Variants in FMNL2 observed in about 807,000 individuals in gnomAD.
The protein encoded by FMNL2 is formin-like protein 2.
In FMNL2, 51 loss-of-function variants were observed where a neutral mutation model predicts 130.2. The observed-to-expected ratio is 0.39, with a 90% CI of 0.31 to 0.49. The LOEUF (loss-of-function observed/expected upper bound fraction) is 0.49, where lower values mean the gene tolerates loss of function less well. Among genes scored for constraint, FMNL2 ranks in the 20% least tolerant of loss-of-function variants. FMNL2 has a pLI of 0.85. For synonymous variants in FMNL2, 465 were observed against 467.1 expected, an observed-to-expected ratio of 1.00 and a Z score of 0.06; for missense variants, 977 against 1,316.2, an observed-to-expected ratio of 0.74 and a Z score of 3.99.
intron 1 of FMNL2, among the ~76,000 whole-genome samples, chr2:152,355,242 A>G (rs1025384516): frequency 1.3e-5 from 2 of 152,250 alleles, no homozygotes; most frequent in East Asian, 1.9e-4. Context: ...GAGGAGAATT[A>G]TAAATGAAAC....
chr2:152,578,175 T>G (rs59103281), intron 7 of FMNL2, among the ~76,000 whole-genome samples: 28,053 of 151,968 alleles, frequency 0.18, 3,421 homozygotes, highest in African/African-American at 0.34. Context: ...ATTGATGTGG[T>G]ATAGGAACTT....
intron 1 of FMNL2, among the ~76,000 whole-genome samples, chr2:152,402,237 G>A (rs907035826): frequency 6.6e-6 from 1 of 152,096 alleles, no homozygotes; most frequent in African/African-American, 2.4e-5. Context: ...AATGCTAAGC[G>A]TTGTTCTCAT....
intron 1 of FMNL2, among the ~76,000 whole-genome samples, chr2:152,393,634 C>T (rs1685234711): frequency 1.3e-5 from 2 of 152,150 alleles, no homozygotes; most frequent in Admixed American, 6.5e-5. Flanking sequence ...TGAAAGTGAA[C>T]ATTTTCTATT....
At chr2:152,549,973 TAATTTTGATGTATATATATTGCA>T in intron 4 of FMNL2, among the ~76,000 whole-genome samples, 1 of 152,228 alleles carries the variant, frequency 6.6e-6, no homozygotes, top group Non-Finnish European at 1.5e-5. Flanking sequence ...TATTGGAAAT[TAATTTTGATGTATATATATTGCA>T]CTTTAGTTTT....
intron 25 of FMNL2, chr2:152,645,553 C>T: frequency 8.0e-7 from 1 of 1,244,934 alleles, no homozygotes; most frequent in Non-Finnish European, 1.1e-6. Flanking sequence ...TACTTAGCTT[C>T]CTCCTCTCTC....
At chr2:152,580,118 C>T (rs1696700963) in intron 8 of FMNL2, among the ~76,000 whole-genome samples, 1 of 152,182 alleles carries the variant, frequency 6.6e-6, no homozygotes, top group African/African-American at 2.4e-5. Flanking sequence ...TGTGTCTCTG[C>T]CTTCTACTAC....
At chr2:152,402,902 G>T (rs527476077) in intron 1 of FMNL2, among the ~76,000 whole-genome samples, 6 of 152,182 alleles carry the variant, frequency 3.9e-5, no homozygotes, top group African/African-American at 1.4e-4. Flanking sequence ...TTCGGTCCGG[G>T]GATCCCATCC....
intron 1 of FMNL2, among the ~76,000 whole-genome samples, chr2:152,372,697 C>T (rs12987825): frequency 0.33 from 49,633 of 151,954 alleles, 8,788 homozygotes; most frequent in East Asian, 0.74. Context: ...TCCCTTTGGG[C>T]GGCCTGAACA....
chr2:152,508,839 C>T (rs1483471380), intron 1 of FMNL2, among the ~76,000 whole-genome samples: 1 of 152,188 alleles, frequency 6.6e-6, no homozygotes, highest in Non-Finnish European at 1.5e-5. Flanking sequence ...TGCATCCTGC[C>T]ACCCCCCGCC....
chr2:152,390,930 A>G (rs1205057402), intron 1 of FMNL2, among the ~76,000 whole-genome samples: 2 of 152,252 alleles, frequency 1.3e-5, no homozygotes, highest in Non-Finnish European at 1.5e-5. Flanking sequence ...CTGTTAAGGT[A>G]TGAAAATAAA....
intron 1 of FMNL2, among the ~76,000 whole-genome samples, chr2:152,424,943 A>G (rs1687122433): frequency 6.6e-6 from 1 of 152,206 alleles, no homozygotes; most frequent in African/African-American, 2.4e-5. Context: ...TGATCAAGTG[A>G]TGGCATTGAT....
At chr2:152,407,561 G>A (rs185440808) in intron 1 of FMNL2, among the ~76,000 whole-genome samples, 26 of 151,048 alleles carry the variant, frequency 1.7e-4, no homozygotes, top group East Asian at 1.6e-3. Flanking sequence ...AGAGTGGCTC[G>A]TGCATTAAAC....
At chr2:152,533,873 G>T (rs1693843303) in intron 2 of FMNL2, among the ~76,000 whole-genome samples, 1 of 151,948 alleles carries the variant, frequency 6.6e-6, no homozygotes, top group African/African-American at 2.4e-5. Context: ...CTATTTTAAG[G>T]GATATATTTT....
intron 1 of FMNL2, among the ~76,000 whole-genome samples, chr2:152,419,834 A>G (rs1042836367): frequency 2.0e-5 from 3 of 152,058 alleles, no homozygotes; most frequent in Non-Finnish European, 2.9e-5. Flanking sequence ...CAGGGAATAC[A>G]CTTGCTGGAA....
At chr2:152,642,237 GC>G (rs1156793017) in intron 25 of FMNL2, among the ~76,000 whole-genome samples, 5 of 152,192 alleles carry the variant, frequency 3.3e-5, no homozygotes, top group Non-Finnish European at 7.3e-5. Context: ...ACCATGCCCA[GC>G]CTGTCTCATT....
intron 1 of FMNL2, among the ~76,000 whole-genome samples, chr2:152,501,898 A>C (rs924704813): frequency 3.9e-5 from 6 of 152,192 alleles, no homozygotes; most frequent in African/African-American, 1.4e-4. Flanking sequence ...TAGTTCATTT[A>C]AATTTCATAA....
chr2:152,400,407 G>A (rs1009732710), intron 1 of FMNL2, among the ~76,000 whole-genome samples: 22 of 152,030 alleles, frequency 1.4e-4, no homozygotes, highest in African/African-American at 5.3e-4. Flanking sequence ...CTGCACTCCA[G>A]GCCTGGGTGA....
intron 9 of FMNL2, 151 bp from the exon 10 acceptor site, chr2:152,607,188 T>C: frequency 6.5e-6 from 4 of 616,896 alleles, no homozygotes; most frequent in Non-Finnish European, 1.2e-5. Context: ...TGGCTGTTTG[T>C]GAGTTAACTA....
intron 1 of FMNL2, among the ~76,000 whole-genome samples, chr2:152,359,407 G>C (rs1020815637): frequency 6.6e-6 from 1 of 151,538 alleles, no homozygotes; most frequent in Non-Finnish European, 1.5e-5. Context: ...TGGCTCCTAA[G>C]TGCCCAATCT....
Sources: gnomAD v4.1 joint callset for allele counts (sites outside exome capture counted in the v4.1 genomes callset) on GRCh38, gnomAD v4.1.1 for gene constraint, MANE v1.5 for transcripts, NCBI Gene and HGNC (gene_info 2026-07-23, HGNC 2026-07-21) for gene names.